ZNF362: variants seen among roughly 807,000 people sequenced by gnomAD.
The protein encoded by ZNF362 is zinc finger protein 362.
ZNF362 carries 11 observed loss-of-function variants against 42.9 expected under a neutral mutation model. The ratio of observed to expected loss-of-function variants is 0.26; its 90% confidence interval spans 0.16 to 0.42. The LOEUF (loss-of-function observed/expected upper bound fraction) is 0.42, where lower values mean the gene tolerates loss of function less well. Among genes scored for constraint, ZNF362 ranks in the 20% least tolerant of loss-of-function variants. The pLI is 1.00. For missense variants in ZNF362, 362 were observed against 576.2 expected, an observed-to-expected ratio of 0.63 and a Z score of 3.81; for synonymous variants, 255 against 257.3, an observed-to-expected ratio of 0.99 and a Z score of 0.09.
chr1:33,230,617 C>A, the ZNF362 span, among the ~76,000 whole-genome samples: 1 of 152,254 alleles, frequency 6.6e-6, no homozygotes, highest in African/African-American at 2.4e-5. Flanking sequence ...GTTTTCATAA[C>A]CTGATCTGTG....
At chr1:33,276,850 C>T (rs1238836287) in intron 4 of ZNF362, among the ~76,000 whole-genome samples, 1 of 152,232 alleles carries the variant, frequency 6.6e-6, no homozygotes, top group Non-Finnish European at 1.5e-5. Context: ...CCATGGGGCT[C>T]ACCAGGAAAG....
the ZNF362 span, among the ~76,000 whole-genome samples, chr1:33,216,910 A>G: frequency 2.6e-5 from 4 of 151,652 alleles, no homozygotes; most frequent in African/African-American, 4.8e-5. Context: ...GCGGTGGGGA[A>G]CCACAGAGAG....
At chr1:33,228,372 A>G in the ZNF362 span, among the ~76,000 whole-genome samples, 2 of 151,958 alleles carry the variant, frequency 1.3e-5, no homozygotes, top group South Asian at 2.1e-4. Context: ...GGCCTCCTAA[A>G]TTTTTGTCCC....
chr1:33,289,307 A>G (rs1646057573), intron 6 of ZNF362, among the ~76,000 whole-genome samples: 1 of 152,168 alleles, frequency 6.6e-6, no homozygotes, highest in Non-Finnish European at 1.5e-5. Flanking sequence ...AACCAAGGCC[A>G]GAATGTGAAG....
chr1:33,131,650 A>G, the ZNF362 span, among the ~76,000 whole-genome samples: 3 of 152,056 alleles, frequency 2.0e-5, no homozygotes, highest in Non-Finnish European at 2.9e-5. Flanking sequence ...AAATATATTA[A>G]ATTAATTTCA....
At chr1:33,253,512 G>A (rs763073751), upstream of ZNF362, among the ~76,000 whole-genome samples, 3 of 152,088 alleles carry the variant, frequency 2.0e-5, no homozygotes, top group Non-Finnish European at 4.4e-5. Flanking sequence ...GCCTTAGATG[G>A]CAGCTCACTT....
At chr1:33,158,373 A>T in the ZNF362 span, 1 of 1,612,684 alleles carries the variant, frequency 6.2e-7, no homozygotes. Flanking sequence ...TTGAGCCTGG[A>T]AGGAGAGCAG....
At chr1:33,154,177 T>G in the ZNF362 span, among the ~76,000 whole-genome samples, 7 of 152,208 alleles carry the variant, frequency 4.6e-5, no homozygotes, top group African/African-American at 1.7e-4. Flanking sequence ...GATCTAAAGA[T>G]GGGCCGGGTG....
intron 6 of ZNF362, among the ~76,000 whole-genome samples, chr1:33,284,117 C>T (rs753818456): frequency 2.6e-5 from 4 of 152,186 alleles, no homozygotes; most frequent in African/African-American, 4.8e-5. Flanking sequence ...TGTAATGTGG[C>T]GGTTACCCTT....
At chr1:33,156,500 T>TA in the ZNF362 span, among the ~76,000 whole-genome samples, 16 of 152,202 alleles carry the variant, frequency 1.1e-4, no homozygotes, top group Non-Finnish European at 1.2e-4. Flanking sequence ...TTCCAGGACA[T>TA]ACCTGGGTTG....
intron 8 of ZNF362, 31 bp downstream of exon 8, chr1:33,295,336 G>A (rs781571476): frequency 1.5e-5 from 24 of 1,604,512 alleles, no homozygotes; most frequent in East Asian, 9.0e-5. Context: ...GCCCTGCCCC[G>A]GGGGAGCCAC....
intron 6 of ZNF362, among the ~76,000 whole-genome samples, chr1:33,282,968 C>T (rs1457396246): frequency 3.3e-5 from 5 of 152,160 alleles, no homozygotes; most frequent in African/African-American, 1.2e-4. Flanking sequence ...GGAAGCAGCA[C>T]CGTTTTCTCA....
intron 6 of ZNF362, among the ~76,000 whole-genome samples, chr1:33,293,569 C>A (rs556460033): frequency 6.6e-6 from 1 of 152,242 alleles, no homozygotes; most frequent in Non-Finnish European, 1.5e-5. Context: ...GGGCTGGGGC[C>A]TTGGAAGGAA....
the ZNF362 span, among the ~76,000 whole-genome samples, chr1:33,155,732 C>T: frequency 1.3e-5 from 2 of 152,220 alleles, no homozygotes; most frequent in Admixed American, 1.3e-4. Flanking sequence ...ACTTCTCTAT[C>T]CAGGTCTCTC....
At chr1:33,269,678 A>G (rs1450590808) in intron 1 of ZNF362, among the ~76,000 whole-genome samples, 3 of 152,146 alleles carry the variant, frequency 2.0e-5, no homozygotes, top group African/African-American at 2.4e-5. Flanking sequence ...CTGAGATTAC[A>G]GGCATGAACC....
chr1:33,164,955 AT>A, the ZNF362 span: 104,865 of 124,898 alleles, frequency 0.84, 44,154 homozygotes, highest in Middle Eastern at 0.95. Context: ...GCTATATTCA[AT>A]TTTTTTTTTT....
At chr1:33,193,024 C>G in the ZNF362 span, among the ~76,000 whole-genome samples, 1 of 119,810 alleles carries the variant, frequency 8.3e-6, no homozygotes. Flanking sequence ...TATATATATA[C>G]GCATATATAT....
chr1:33,194,681 C>A, the ZNF362 span: 2 of 151,996 alleles, frequency 1.3e-5, no homozygotes, highest in Admixed American at 1.3e-4. Context: ...TGGAGATATA[C>A]TATAATGTTA....
the ZNF362 span, among the ~76,000 whole-genome samples, chr1:33,180,051 T>C: frequency 5.7e-3 from 365 of 63,928 alleles, 1 homozygote; most frequent in African/African-American, 0.024. Context: ...GAGAGGATAT[T>C]TGAGCAAGGC....
Sources: allele counts gnomAD v4.1 joint callset (sites outside exome capture counted in the v4.1 genomes callset), GRCh38; gene constraint gnomAD v4.1.1; transcripts MANE v1.5; gene names NCBI Gene and HGNC (gene_info 2026-07-23, HGNC 2026-07-21).